The following ZNF678 variants were observed in gnomAD, a reference collection of about 807,000 sequenced individuals.
The protein encoded by ZNF678 is hypothetical protein MGC42493.
ZNF678 carries 5 observed loss-of-function variants against 3.0 expected under a neutral mutation model. That is an observed-to-expected ratio of 1.69 (90% CI 0.88 to 3.56). The LOEUF is 3.56. Ranked by LOEUF, ZNF678 falls within the 30% of genes most tolerant of loss-of-function variation. The pLI is 0.00. For missense variants in ZNF678, 593 were observed against 605.0 expected, an observed-to-expected ratio of 0.98 and a Z score of 0.21; for synonymous variants, 218 against 199.6, an observed-to-expected ratio of 1.09 and a Z score of -0.78.
At chr1:227,669,636 G>C (rs1019420324) in intron 5 of ZNF678, among the ~76,000 whole-genome samples, 3 of 123,966 alleles carry the variant, frequency 2.4e-5, no homozygotes, top group African/African-American at 9.8e-5. Flanking sequence ...GAGACAGAGC[G>C]AGACCGTCTC....
Position 227,563,691 on chromosome 1 carries a change from TA to T in ZNF678, c.-195del. ...CTGCAGGTACTGGGAGTTACATAGC[TA>T]AGATGCCAGGACACCCCGAAAGCCG... On this transcript the variant is annotated 5_prime_UTR_variant, in exon 1 of 4. Transcript: ENST00000343776. 7.5e-7 allele frequency: 1 copy of T among 1,333,176 alleles called. No homozygotes were observed. Among genetic ancestry groups the T allele is most frequent in the Non-Finnish European group, 1.0e-6 (1 of 1,003,428 alleles). The allele number at this position is 1,333,176 out of a possible 1,614,324, so 82.6% of individuals were successfully genotyped here.
intron 1 of ZNF678, among the ~76,000 whole-genome samples, chr1:227,637,758 A>G (rs1658715846): frequency 1.3e-5 from 2 of 152,224 alleles, no homozygotes; most frequent in Admixed American, 1.3e-4. Flanking sequence ...GAGAGAACCC[A>G]GAGCCTAAAA....
At chr1:227,648,384 A>G (rs1285596468) in intron 2 of ZNF678, among the ~76,000 whole-genome samples, 2 of 152,364 alleles carry the variant, frequency 1.3e-5, no homozygotes, top group East Asian at 3.9e-4. Flanking sequence ...TATGTCCAAC[A>G]TAAAAATTTG....
intron 2 of ZNF678, among the ~76,000 whole-genome samples, chr1:227,650,080 A>G (rs1659052886): frequency 6.6e-6 from 1 of 152,180 alleles, no homozygotes; most frequent in Admixed American, 6.5e-5. Context: ...TATTCAAAAA[A>G]TCATTACCAC....
At chr1:227,627,932 A>G (rs1658457127) in intron 1 of ZNF678, among the ~76,000 whole-genome samples, 2 of 152,190 alleles carry the variant, frequency 1.3e-5, no homozygotes, top group Non-Finnish European at 2.9e-5. Context: ...ACTTGTTGAC[A>G]GTTATGTTCT....
intron 1 of ZNF678, among the ~76,000 whole-genome samples, chr1:227,564,872 C>T (rs1348351054): frequency 6.6e-6 from 1 of 151,606 alleles, no homozygotes; most frequent in African/African-American, 2.4e-5. Context: ...GCTGGGATTA[C>T]AGACCCGCGC....
intron 1 of ZNF678, among the ~76,000 whole-genome samples, chr1:227,643,530 G>A (rs1367929072): frequency 6.6e-6 from 1 of 152,134 alleles, no homozygotes; most frequent in Non-Finnish European, 1.5e-5. Flanking sequence ...CAACTGATTA[G>A]GGGAGATCAG....
At chr1:227,598,031 A>G (rs1048052976) in intron 1 of ZNF678, among the ~76,000 whole-genome samples, 2 of 152,248 alleles carry the variant, frequency 1.3e-5, no homozygotes, top group Non-Finnish European at 2.9e-5. Context: ...TGAAATATTA[A>G]TGTAATCCCT....
chr1:227,641,023 C>G (rs1220111239), intron 1 of ZNF678, among the ~76,000 whole-genome samples: 1 of 152,254 alleles, frequency 6.6e-6, no homozygotes, highest in African/African-American at 2.4e-5. Flanking sequence ...CCGGAGAAAT[C>G]AAGAGAGGCC....
rs1001529516 is a variant in ZNF678 at position 227,638,683 on chromosome 1, G to A, written c.-163-7861G>A. On this transcript the variant is annotated intron_variant, in intron 1 of 3. Coordinates refer to ENST00000343776, the MANE Select transcript of ZNF678 (RefSeq NM_001367909.1). This position sits in a 1 kb window ranked among gnomAD's most constrained non-coding sequence, Gnocchi z 4.2. The stretch of plus-strand genomic sequence containing the variant: ...GGATGTCTTGGGTACTATGGGAAAT[G>A]TGGAAGTAGGGAGTAATGTGGAGTT... Among the ~76,000 whole-genome samples the A allele has an allele frequency of 1.8e-4, 28 of 152,132 alleles. No individual in the cohort carries two copies. The highest frequency in any genetic ancestry group is 6.8e-4 in the African/African-American group (28 of 41,422).
At chr1:227,574,379 G>A (rs2172937) in intron 1 of ZNF678, among the ~76,000 whole-genome samples, 49,647 of 152,020 alleles carry the variant, frequency 0.33, 9,178 homozygotes, top group Middle Eastern at 0.43. Context: ...GGTGTGAGAT[G>A]GTATGTCATT....
At chr1:227,669,260 A>G (rs1183273828) in intron 5 of ZNF678, among the ~76,000 whole-genome samples, 2 of 152,234 alleles carry the variant, frequency 1.3e-5, no homozygotes, top group East Asian at 3.8e-4. Flanking sequence ...AAAGACATGA[A>G]CAGACACTTT....
In ZNF678 at chr1:227,659,051, G is replaced by A. The variant is rs1659329825; in HGVS notation, c.*3223G>A. 1 of 151,938 alleles carries A rather than the reference G, an allele frequency of 6.6e-6. No homozygotes were observed. Among genetic ancestry groups the A allele is most frequent in the Non-Finnish European group, 1.5e-5 (1 of 67,956 alleles). The allele number at this position is 151,938 out of a possible 1,614,324, so 9.4% of individuals were successfully genotyped here. On this transcript the variant is annotated 3_prime_UTR_variant, in exon 4 of 4. Transcript: ENST00000343776. Reference sequence around the variant, plus strand: ...AAATTACATATAGCACAATTTATGTGTACATGTAGAATCTTTTAGTTTTTA... The same window carrying A: ...AAATTACATATAGCACAATTTATGTATACATGTAGAATCTTTTAGTTTTTA...
intron 1 of ZNF678, among the ~76,000 whole-genome samples, chr1:227,613,299 G>T (rs747614334): frequency 3.3e-5 from 5 of 152,060 alleles, no homozygotes; most frequent in Non-Finnish European, 7.4e-5. Context: ...TGACACTGCC[G>T]CAGCTATTGC....
At chr1:227,634,118 C>A (rs111747107) in intron 1 of ZNF678, among the ~76,000 whole-genome samples, 1 of 152,148 alleles carries the variant, frequency 6.6e-6, no homozygotes, top group Non-Finnish European at 1.5e-5. Flanking sequence ...TCTATACACC[C>A]GCTGGGCCAG....
intron 1 of ZNF678, among the ~76,000 whole-genome samples, chr1:227,567,093 A>G (rs1228928559): frequency 6.6e-6 from 1 of 152,206 alleles, no homozygotes; most frequent in Non-Finnish European, 1.5e-5. Context: ...TGGACATCCA[A>G]ATTCAATGCT....
At chr1:227,572,836 A>C (rs1656885925) in intron 1 of ZNF678, among the ~76,000 whole-genome samples, 1 of 152,160 alleles carries the variant, frequency 6.6e-6, no homozygotes, top group Non-Finnish European at 1.5e-5. Context: ...AACAGAGGAC[A>C]TTTCCGGTGT....
intron 1 of ZNF678, among the ~76,000 whole-genome samples, chr1:227,639,097 TG>T (rs1658753213): frequency 6.6e-6 from 1 of 152,020 alleles, no homozygotes. Flanking sequence ...CGGTCCTTGC[TG>T]GGGGCGGTCC....
chr1:227,640,045 A>G (rs1658780236), intron 1 of ZNF678, among the ~76,000 whole-genome samples: 1 of 152,212 alleles, frequency 6.6e-6, no homozygotes, highest in African/African-American at 2.4e-5. Context: ...AGGGTGGGGC[A>G]TGGGCCAAAG....
Sources: gnomAD v4.1 joint callset for allele counts (sites outside exome capture counted in the v4.1 genomes callset) on GRCh38, gnomAD v4.1.1 for gene constraint, Gnocchi (gnomAD v3.1) non-coding constraint, MANE v1.5 for transcripts, NCBI Gene and HGNC (gene_info 2026-07-23, HGNC 2026-07-21) for gene names.